OSTF1: variants seen among roughly 807,000 people sequenced by gnomAD.
The protein encoded by OSTF1 is osteoclast stimulating factor 1, also known as osteoclast-stimulating factor 1.
Under a neutral mutation model 37.2 loss-of-function variants are expected in OSTF1, and 27 were observed. The ratio of observed to expected loss-of-function variants is 0.73; its 90% CI spans 0.54 to 1.00. OSTF1 has a LOEUF of 1.00. Among genes scored for constraint, OSTF1 ranks in the 50% least tolerant of loss-of-function variants. The pLI, the probability that OSTF1 is intolerant of heterozygous loss-of-function variation, is 0.00. For missense variants in OSTF1, 232 were observed against 253.8 expected (o/e 0.91, Z 0.58); for synonymous variants, 82 against 89.2 (o/e 0.92, Z 0.46).
At chr9:75,091,662 G>A (rs943492914) in intron 1 of OSTF1, among the ~76,000 whole-genome samples, 4 of 152,184 alleles carry the variant, frequency 2.6e-5, no homozygotes, top group African/African-American at 9.7e-5. Flanking sequence ...TTTAAACCTT[G>A]CCTCATTCCA....
In OSTF1 at chr9:75,138,717, C is replaced by T. The variant is rs751796807; in HGVS notation, c.487+1101C>T. On this transcript the variant is annotated intron_variant, in intron 8 of 9. Transcript: ENST00000346234. ...ATCACATTATATTCCTATTAGTGCT[C>T]ATCTAAAGGGACCCAGGAAATAGTT... Among the ~76,000 whole-genome samples the T allele has an allele frequency of 4.0e-4, 61 of 152,090 alleles. 1 individual carries two copies. Among genetic ancestry groups the T allele is most frequent in the Non-Finnish European group, 5.7e-4 (39 of 68,028 alleles).
At chr9:75,093,609 G>A (rs548471223) in intron 1 of OSTF1, among the ~76,000 whole-genome samples, 2 of 152,256 alleles carry the variant, frequency 1.3e-5, no homozygotes, top group East Asian at 1.9e-4. Flanking sequence ...GCAAATGTCA[G>A]TGTTTCAGGT....
chr9:75,139,329 C>G (rs945862153), intron 8 of OSTF1, among the ~76,000 whole-genome samples: 1 of 151,980 alleles, frequency 6.6e-6, no homozygotes, highest in Admixed American at 6.6e-5. Flanking sequence ...AGCTACTGTG[C>G]TGGCCTATTT....
intron 2 of OSTF1, among the ~76,000 whole-genome samples, chr9:75,126,521 T>C (rs1825664491): frequency 6.6e-6 from 1 of 152,254 alleles, no homozygotes; most frequent in South Asian, 2.1e-4. Flanking sequence ...TGTTATCTAC[T>C]GATGGTCAAA....
chr9:75,117,671 A>AG (rs1172224249), intron 2 of OSTF1, 121 bp downstream of exon 2: 1 of 736,562 alleles, frequency 1.4e-6, no homozygotes, highest in African/African-American at 1.8e-5. Flanking sequence ...ATTCTCAGGA[A>AG]TGGATGTTGG....
At chr9:75,117,864 C>T (rs1825517153) in intron 2 of OSTF1, among the ~76,000 whole-genome samples, 1 of 152,240 alleles carries the variant, frequency 6.6e-6, no homozygotes, top group Non-Finnish European at 1.5e-5. Flanking sequence ...TTCATACTAA[C>T]CTTCCTTCAT....
intron 1 of OSTF1, among the ~76,000 whole-genome samples, chr9:75,089,255 G>T (rs940794879): frequency 2.0e-5 from 3 of 150,922 alleles, no homozygotes; most frequent in African/African-American, 7.3e-5. Flanking sequence ...CTTGGGAAGA[G>T]CGTTTAGAAA....
chr9:75,106,812 G>T (rs1028917288), intron 1 of OSTF1, among the ~76,000 whole-genome samples: 2 of 151,482 alleles, frequency 1.3e-5, no homozygotes, highest in Admixed American at 6.6e-5. Flanking sequence ...AAATTAGCTG[G>T]GTGTGGTGTT....
At chr9:75,095,876 G>A (rs117133363) in intron 1 of OSTF1, among the ~76,000 whole-genome samples, 1 of 151,718 alleles carries the variant, frequency 6.6e-6, no homozygotes, top group East Asian at 1.9e-4. Context: ...CAAGTTATTG[G>A]TGTGACTGCT....
At chr9:75,142,061 T>C (rs1825952982) in intron 9 of OSTF1, among the ~76,000 whole-genome samples, 2 of 152,224 alleles carry the variant, frequency 1.3e-5, no homozygotes, top group Non-Finnish European at 1.5e-5. Context: ...TTTTGTTCTT[T>C]ATTCTAGATA....
intron 7 of OSTF1, 135 bp from the exon 8 acceptor site, chr9:75,137,403 A>G: frequency 1.7e-6 from 1 of 601,712 alleles, no homozygotes; most frequent in Non-Finnish European, 2.9e-6. Flanking sequence ...TCTCTTTGGA[A>G]TTTTATGTGG....
rs144008607 is a variant in OSTF1, at chr9:75,135,718, C to T, written c.408+1323C>T. 3.3e-3 allele frequency among the ~76,000 whole-genome samples: 499 copies of T among 152,326 alleles called. 3 individuals are homozygous for T. The highest frequency in any genetic ancestry group is 0.012 in the African/African-American group (479 of 41,574). ...CAGAATTCTGGGCATGGCATAGCTG[C>T]GTTCTCTGCTCAGGGTCTCCCAGGT... On this transcript the variant is annotated intron_variant, in intron 7 of 9. Transcript: ENST00000346234.
intron 2 of OSTF1, among the ~76,000 whole-genome samples, chr9:75,118,209 G>A (rs1003057961): frequency 6.6e-6 from 1 of 152,200 alleles, no homozygotes; most frequent in African/African-American, 2.4e-5. Flanking sequence ...GGAGAAAAGA[G>A]TGCTGTCTTC....
intron 2 of OSTF1, 124 bp downstream of exon 2, chr9:75,117,674 G>A (rs1419969885): frequency 4.1e-6 from 3 of 723,050 alleles, no homozygotes; most frequent in East Asian, 5.1e-5. Context: ...CTCAGGAATG[G>A]ATGTTGGGTC....
intron 2 of OSTF1, among the ~76,000 whole-genome samples, chr9:75,118,164 GA>G (rs1283888237): frequency 6.6e-6 from 1 of 152,178 alleles, no homozygotes; most frequent in Non-Finnish European, 1.5e-5. Context: ...GTACTCTGGA[GA>G]AAAATAAGGA....
At chr9:75,091,337 A>C (rs540667503) in intron 1 of OSTF1, among the ~76,000 whole-genome samples, 1 of 151,928 alleles carries the variant, frequency 6.6e-6, no homozygotes, top group East Asian at 1.9e-4. Flanking sequence ...TCGCTTCCCA[A>C]AGTGTGGGAT....
chr9:75,104,400 A>G (rs578066909), intron 1 of OSTF1, among the ~76,000 whole-genome samples: 1 of 152,116 alleles, frequency 6.6e-6, no homozygotes, highest in Non-Finnish European at 1.5e-5. Flanking sequence ...TTGAAAAGTT[A>G]GCCGGGCATG....
intron 1 of OSTF1, among the ~76,000 whole-genome samples, chr9:75,102,903 G>A (rs911189865): frequency 7.5e-4 from 114 of 152,332 alleles, no homozygotes; most frequent in Middle Eastern, 3.4e-3. Context: ...TTTTGTGGGT[G>A]TACTAGGCAT....
chr9:75,142,033 C>T (rs948073650), intron 9 of OSTF1, among the ~76,000 whole-genome samples: 4 of 152,232 alleles, frequency 2.6e-5, no homozygotes, highest in African/African-American at 9.6e-5. Flanking sequence ...CAGGCGAGAG[C>T]CGCTGTGCCC....
Sources: allele counts gnomAD v4.1 joint callset (sites outside exome capture counted in the v4.1 genomes callset), GRCh38; gene constraint gnomAD v4.1.1; transcripts MANE v1.5; gene names NCBI Gene and HGNC (gene_info 2026-07-23, HGNC 2026-07-21).